SBF2: variants seen among roughly 807,000 people sequenced by gnomAD.
SBF2 encodes SET binding factor 2, also known as myotubularin-related protein 13.
A neutral mutation model predicts 225.2 loss-of-function variants in SBF2; 112 were observed. The observed-to-expected ratio is 0.50, with a 90% CI of 0.43 to 0.58. The LOEUF is 0.58. Ranked by LOEUF, SBF2 falls within the 20% of genes least tolerant of loss-of-function variation. The pLI is 0.00. For missense variants in SBF2, 1,996 were observed against 2,206.2 expected, an observed-to-expected ratio of 0.90 and a Z score of 1.91; for synonymous variants, 763 against 773.3, an observed-to-expected ratio of 0.99 and a Z score of 0.22.
intron 6 of SBF2, chr11:10,017,019 C>T (rs1269422163): frequency 6.6e-6 from 1 of 152,152 alleles, no homozygotes. Flanking sequence ...GAAAAACAGA[C>T]ATGCCAGTGA....
At chr11:10,228,999 C>T (rs1323909147) in intron 1 of SBF2, among the ~76,000 whole-genome samples, 3 of 152,002 alleles carry the variant, frequency 2.0e-5, no homozygotes, top group Non-Finnish European at 2.9e-5. Context: ...AGTTTCAGCT[C>T]CTGTTATTGG....
At chr11:10,046,872 G>GA (rs1949883621) in intron 2 of SBF2, among the ~76,000 whole-genome samples, 1 of 74,824 alleles carries the variant, frequency 1.3e-5, no homozygotes, top group Non-Finnish European at 3.1e-5. Flanking sequence ...CAGATAATCT[G>GA]AAAGGACAAA....
At chr11:9,965,154 T>C (rs958419013) in intron 14 of SBF2, among the ~76,000 whole-genome samples, 2 of 152,174 alleles carry the variant, frequency 1.3e-5, no homozygotes, top group Non-Finnish European at 2.9e-5. Context: ...ACTACTTATA[T>C]TTTATGGCTA....
chr11:9,806,927 T>A (rs912898301), intron 32 of SBF2, among the ~76,000 whole-genome samples: 1 of 152,162 alleles, frequency 6.6e-6, no homozygotes, highest in African/African-American at 2.4e-5. Flanking sequence ...TTTACAAAAA[T>A]TATGTAGTGA....
rs1374221860 is a variant in SBF2 at position 9,784,844 on chromosome 11, C to T, written c.5231+281G>A. The T allele has an allele frequency of 9.5e-6, 5 of 527,284 alleles. No individual in the cohort carries two copies. In the Admixed American group the frequency reaches 1.6e-4, roughly 17 times the overall value. The allele number at this position is 527,284 out of a possible 1,614,324, so 32.7% of individuals were successfully genotyped here. A position where few individuals can be genotyped will look rare whatever the true frequency, so the allele number is the denominator to read the frequency against. ...TCTGATGTGTGCCACTGACAAAGTG[C>T]TGGCTGACACATGTTCCCTCAAACG... On this transcript the variant is annotated intron_variant, in intron 37 of 39. Transcript: ENST00000256190.
intron 13 of SBF2, among the ~76,000 whole-genome samples, chr11:9,981,104 G>A (rs1207331827): frequency 2.0e-5 from 3 of 152,178 alleles, no homozygotes; most frequent in African/African-American, 7.2e-5. Flanking sequence ...TCAAATGAAT[G>A]TGACAAAGCA....
At chr11:10,112,017 T>C (rs1952887212) in intron 2 of SBF2, among the ~76,000 whole-genome samples, 1 of 152,210 alleles carries the variant, frequency 6.6e-6, no homozygotes, top group Non-Finnish European at 1.5e-5. Context: ...TTGAATGACA[T>C]AAATTACTCT....
intron 16 of SBF2, among the ~76,000 whole-genome samples, chr11:9,950,390 G>C (rs1464005442): frequency 6.6e-6 from 1 of 152,056 alleles, no homozygotes. Context: ...TAACAAATCA[G>C]AACATCTGAT....
chr11:9,929,553 T>C (rs940261854), intron 16 of SBF2, among the ~76,000 whole-genome samples: 2 of 152,200 alleles, frequency 1.3e-5, no homozygotes, highest in African/African-American at 2.4e-5. Context: ...CTCAGAAGTA[T>C]AGTTGGCAAA....
At chr11:10,054,359 A>T (rs561621902) in intron 2 of SBF2, among the ~76,000 whole-genome samples, 1 of 152,218 alleles carries the variant, frequency 6.6e-6, no homozygotes, top group South Asian at 2.1e-4. Flanking sequence ...GTTTTCTTTG[A>T]CATCAGCAAT....
chr11:10,076,876 T>C (rs1386125526), intron 2 of SBF2, among the ~76,000 whole-genome samples: 1 of 152,218 alleles, frequency 6.6e-6, no homozygotes, highest in Non-Finnish European at 1.5e-5. Context: ...TGCCGGAGCA[T>C]GGGACTGTCC....
chr11:9,899,065 AC>A (rs945243781), intron 16 of SBF2, among the ~76,000 whole-genome samples: 6 of 148,008 alleles, frequency 4.1e-5, no homozygotes, highest in African/African-American at 1.2e-4. Context: ...TAAAAAAAAA[AC>A]AACAACAAAA....
chr11:9,893,799 G>A (rs974407915), intron 17 of SBF2, among the ~76,000 whole-genome samples: 3 of 152,188 alleles, frequency 2.0e-5, no homozygotes, highest in African/African-American at 7.2e-5. Context: ...CCTAGATCTG[G>A]GAAGGGGCTC....
rs1591162579 is a variant in SBF2 at position 10,184,007 on chromosome 11, A to T, written c.141+9895T>A. On this transcript the variant is annotated intron_variant, in intron 2 of 39. Transcript: ENST00000256190. ...AAGATTCTGAACGTTCACAACACAG[A>T]GAAATGATAGGTATTTGAGGTGATG... 2.0e-5 allele frequency among the ~76,000 whole-genome samples: 3 copies of T among 152,360 alleles called. No individual in the cohort carries two copies. The Middle Eastern group carries it at 0.01, about 518-fold the overall frequency.
chr11:10,033,831 A>G (rs1419172234), intron 3 of SBF2, among the ~76,000 whole-genome samples: 3 of 152,174 alleles, frequency 2.0e-5, no homozygotes, highest in Non-Finnish European at 4.4e-5. Context: ...GATGTATTCT[A>G]TGTAATAATT....
intron 16 of SBF2, among the ~76,000 whole-genome samples, chr11:9,945,217 A>C (rs911485750): frequency 6.6e-6 from 1 of 152,232 alleles, no homozygotes; most frequent in Admixed American, 6.5e-5. Context: ...TATGGTAACC[A>C]AAATCAGGAT....
At chr11:10,009,044 T>A (rs1198180354) in intron 6 of SBF2, among the ~76,000 whole-genome samples, 1 of 152,204 alleles carries the variant, frequency 6.6e-6, no homozygotes, top group Non-Finnish European at 1.5e-5. Flanking sequence ...GAATGTCCCA[T>A]AGCCCTTTTG....
At chr11:9,860,425 C>T (rs1857640271) in intron 17 of SBF2, among the ~76,000 whole-genome samples, 1 of 151,956 alleles carries the variant, frequency 6.6e-6, no homozygotes, top group Non-Finnish European at 1.5e-5. Context: ...GTGTGCTCCA[C>T]CACACCCAGC....
At chr11:9,852,557 T>G in intron 21 of SBF2, 119 bp downstream of exon 21, 2 of 777,608 alleles carry the variant, frequency 2.6e-6, no homozygotes, top group South Asian at 2.8e-5. Flanking sequence ...AACATATCAT[T>G]AAAACTGGAG....
Sources: allele counts gnomAD v4.1 joint callset (sites outside exome capture counted in the v4.1 genomes callset), GRCh38; gene constraint gnomAD v4.1.1; transcripts MANE v1.5; gene names NCBI Gene and HGNC (gene_info 2026-07-23, HGNC 2026-07-21).